Variants in NLGN1 observed in about 807,000 individuals in gnomAD.
The protein encoded by NLGN1 is neuroligin 1, also known as neuroligin-1.
Under a neutral mutation model 65.5 loss-of-function variants are expected in NLGN1, and 12 were observed. The observed-to-expected ratio is 0.18, with a 90% CI of 0.12 to 0.30. The LOEUF (loss-of-function observed/expected upper bound fraction) is 0.30, where lower values mean the gene tolerates loss of function less well. Ranked by LOEUF, NLGN1 falls within the 10% of genes least tolerant of loss-of-function variation. The pLI, the probability that NLGN1 is intolerant of heterozygous loss-of-function variation, is 1.00. For synonymous variants in NLGN1, 350 were observed against 359.5 expected, an observed-to-expected ratio of 0.97 and a Z score of 0.30; for missense variants, 750 against 1,007.1, an observed-to-expected ratio of 0.74 and a Z score of 3.46.
In NLGN1 at chr3:174,259,325, C is replaced by A. The variant is rs528611562; in HGVS notation, c.647-15990C>A. 2.0e-5 allele frequency among the ~76,000 whole-genome samples: 3 copies of A among 152,106 alleles called. No individual in the cohort carries two copies. In the East Asian group the frequency reaches 5.8e-4, roughly 29 times the overall value. On this transcript the variant is annotated intron_variant, in intron 4 of 6. Transcript: ENST00000457714. ...CAGACCCAGCTATTTTCAGTTAATC[C>A]TTGCTACCTCTTTTATGATGATCAG...
intron 3 of NLGN1, among the ~76,000 whole-genome samples, chr3:173,655,635 T>C (rs1003526185): frequency 6.6e-6 from 1 of 152,132 alleles, no homozygotes; most frequent in Non-Finnish European, 1.5e-5. Context: ...AAATTATTTC[T>C]GGATGAATTT....
exon 7 of NLGN1, chr3:174,285,379 C>T (rs1751989930): frequency 6.6e-6 from 1 of 151,472 alleles, no homozygotes. Flanking sequence ...CTTGTGAAAA[C>T]ATGCTTCCAA....
At chr3:174,043,402 C>T (rs551830522) in intron 4 of NLGN1, among the ~76,000 whole-genome samples, 7 of 152,266 alleles carry the variant, frequency 4.6e-5, no homozygotes, top group Non-Finnish European at 7.4e-5. Context: ...TCTTTTCCCC[C>T]GATGAGCCTG....
chr3:173,884,666 T>C (rs1432054929), intron 4 of NLGN1, among the ~76,000 whole-genome samples: 1 of 152,222 alleles, frequency 6.6e-6, no homozygotes, highest in Non-Finnish European at 1.5e-5. Flanking sequence ...ACTTTATTTA[T>C]TTTCTTATTT....
exon 7 of NLGN1, chr3:174,283,410 C>A (rs1751770467): frequency 6.6e-6 from 1 of 151,340 alleles, no homozygotes; most frequent in African/African-American, 2.4e-5. Flanking sequence ...AATAAAGTGC[C>A]AATTGTTTTC....
intron 2 of NLGN1, among the ~76,000 whole-genome samples, chr3:173,523,944 A>T (rs1353121528): frequency 3.7e-5 from 5 of 136,986 alleles, no homozygotes; most frequent in African/African-American, 1.4e-4. Flanking sequence ...TTTTTGAGAC[A>T]GAGTCACTCT....
intron 4 of NLGN1, among the ~76,000 whole-genome samples, chr3:174,267,439 A>C (rs1322418125): frequency 6.6e-6 from 1 of 152,140 alleles, no homozygotes; most frequent in Non-Finnish European, 1.5e-5. Context: ...TATCCAAACT[A>C]TACTAACATC....
intron 2 of NLGN1, among the ~76,000 whole-genome samples, chr3:173,450,414 T>C (rs1033442355): frequency 1.3e-5 from 2 of 152,192 alleles, no homozygotes; most frequent in African/African-American, 4.8e-5. Context: ...GCTTGTAGAG[T>C]TTCTGCTGAG....
chr3:173,774,389 T>G (rs1015117266), intron 3 of NLGN1, among the ~76,000 whole-genome samples: 4 of 152,216 alleles, frequency 2.6e-5, no homozygotes, highest in African/African-American at 9.6e-5. Context: ...CTAATATTTC[T>G]CTGAGTTTTT....
At chr3:174,223,187 T>TC (rs1738976807) in intron 4 of NLGN1, among the ~76,000 whole-genome samples, 1 of 152,100 alleles carries the variant, frequency 6.6e-6, no homozygotes, top group Admixed American at 6.6e-5. Context: ...TTGTAGCACC[T>TC]CCCACTTCAC....
intron 2 of NLGN1, among the ~76,000 whole-genome samples, chr3:173,503,654 C>T (rs1731528399): frequency 6.6e-6 from 1 of 152,054 alleles, no homozygotes; most frequent in African/African-American, 2.4e-5. Flanking sequence ...GTCTGCAATT[C>T]TCCCTGGGAA....
chr3:173,897,738 G>A (rs899377505), intron 4 of NLGN1, among the ~76,000 whole-genome samples: 1 of 152,142 alleles, frequency 6.6e-6, no homozygotes, highest in East Asian at 1.9e-4. Context: ...TAAGAGGAAA[G>A]TCCTGTTCAC....
At chr3:173,918,499 A>T (rs1444396920) in intron 4 of NLGN1, among the ~76,000 whole-genome samples, 1 of 151,796 alleles carries the variant, frequency 6.6e-6, no homozygotes, top group African/African-American at 2.4e-5. Flanking sequence ...GCCATGCGGC[A>T]GCGTGTGCCT....
At chr3:174,115,775 C>T (rs1355048978) in intron 4 of NLGN1, among the ~76,000 whole-genome samples, 1 of 152,166 alleles carries the variant, frequency 6.6e-6, no homozygotes, top group Non-Finnish European at 1.5e-5. Context: ...AATTTATCCT[C>T]TATCACTAAT....
chr3:173,452,522 T>C (rs1721786162), intron 2 of NLGN1, among the ~76,000 whole-genome samples: 1 of 152,144 alleles, frequency 6.6e-6, no homozygotes, highest in Admixed American at 6.6e-5. Flanking sequence ...AATTTTCTTA[T>C]TGCTATGTTG....
intron 4 of NLGN1, among the ~76,000 whole-genome samples, chr3:173,837,082 A>G (rs1047424057): frequency 1.3e-5 from 2 of 152,180 alleles, no homozygotes; most frequent in South Asian, 2.1e-4. Flanking sequence ...TCCCTTTTAC[A>G]TATTTACATG....
chr3:174,030,359 C>T (rs1386556331), intron 4 of NLGN1, among the ~76,000 whole-genome samples: 25 of 151,936 alleles, frequency 1.6e-4, no homozygotes, highest in Admixed American at 1.4e-3. Context: ...CTCCTGACCT[C>T]GTGATCCTCC....
chr3:173,723,209 A>G (rs1237938109), intron 3 of NLGN1, among the ~76,000 whole-genome samples: 1 of 152,220 alleles, frequency 6.6e-6, no homozygotes, highest in Non-Finnish European at 1.5e-5. Flanking sequence ...AGAGGGCAAG[A>G]GAATATATGG....
intron 4 of NLGN1, among the ~76,000 whole-genome samples, chr3:174,034,266 A>G (rs541731419): frequency 2.0e-5 from 3 of 152,128 alleles, no homozygotes; most frequent in Non-Finnish European, 4.4e-5. Context: ...CAAACAAACA[A>G]AAACTGAATG....
Sources: gnomAD v4.1 joint callset for allele counts (sites outside exome capture counted in the v4.1 genomes callset) on GRCh38, gnomAD v4.1.1 for gene constraint, MANE v1.5 for transcripts, NCBI Gene and HGNC (gene_info 2026-07-23, HGNC 2026-07-21) for gene names.